The following POLE variants were observed in gnomAD, a reference collection of about 807,000 sequenced individuals.
POLE encodes the protein DNA polymerase epsilon, catalytic subunit.
In POLE, 188 loss-of-function variants were observed where a neutral mutation model predicts 279.2. That is an observed-to-expected ratio of 0.67 (90% CI 0.60 to 0.76). The LOEUF is 0.76. POLE is among the 30% of genes least tolerant of loss of function. The probability of loss-of-function intolerance (pLI) is 0.00; values close to 1 mark genes in which losing one functional copy is unlikely to be tolerated. For synonymous variants in POLE, 1,214 were observed against 1,172.5 expected, an observed-to-expected ratio of 1.04 and a Z score of -0.72; for missense variants, 2,703 against 3,016.7, an observed-to-expected ratio of 0.90 and a Z score of 2.44.
intron 20 of POLE, among the ~76,000 whole-genome samples, chr12:132,665,912 C>G (rs984799397): frequency 1.4e-4 from 21 of 152,216 alleles, no homozygotes; most frequent in African/African-American, 2.4e-4. Flanking sequence ...CCATTGTACT[C>G]TGAAGCACGA....
At chr12:132,676,269 C>T in intron 9 of POLE, 65 bp from the exon 10 acceptor site, 3 of 1,061,680 alleles carry the variant, frequency 2.8e-6, no homozygotes, top group Non-Finnish European at 4.3e-6. Context: ...GGCGTTCCCA[C>T]CCTGCCCACA....
chr12:132,663,116 A>T (rs938876333), intron 23 of POLE, among the ~76,000 whole-genome samples: 6 of 152,216 alleles, frequency 3.9e-5, no homozygotes, highest in African/African-American at 1.4e-4. Context: ...AGCTGTGGAT[A>T]CACTGTCTCG....
At chr12:132,642,471 G>T in intron 37 of POLE, 35 bp downstream of exon 37, 2 of 1,603,614 alleles carry the variant, frequency 1.2e-6, no homozygotes, top group South Asian at 2.2e-5. Flanking sequence ...CTCTGCCTGG[G>T]GACCACTGGC....
chr12:132,626,060 G>A (rs5745069), intron 46 of POLE, 57 bp downstream of exon 46: 57 of 1,499,186 alleles, frequency 3.8e-5, no homozygotes, highest in Admixed American at 2.7e-4. Context: ...TCAAGACACC[G>A]CAGTGCCCTC....
intron 32 of POLE, among the ~76,000 whole-genome samples, chr12:132,648,035 C>T (rs987794598): frequency 5.3e-5 from 8 of 152,176 alleles, no homozygotes; most frequent in South Asian, 2.1e-4. Context: ...TCACTTCTTA[C>T]GTGATTCACA....
At chr12:132,625,050 T>TGTGAAGAAGCAGCAG in intron 47 of POLE, 56 bp from the exon 48 acceptor site, 1 of 1,326,356 alleles carries the variant, frequency 7.5e-7, no homozygotes, top group Non-Finnish European at 1.1e-6. Context: ...CAGACCTGCC[T>TGTGAAGAAGCAGCAG]GCTGCTTCTT....
intron 45 of POLE, among the ~76,000 whole-genome samples, chr12:132,631,059 T>G (rs150767180): frequency 7.9e-5 from 12 of 152,334 alleles, no homozygotes; most frequent in Non-Finnish European, 1.5e-4. Context: ...AACGCAAATG[T>G]CCTTCCACCA....
chr12:132,674,864 C>T, intron 12 of POLE, among the ~76,000 whole-genome samples: 1 of 147,544 alleles, frequency 6.8e-6, no homozygotes, highest in East Asian at 2.0e-4. Context: ...CCTTCCCTTC[C>T]TTCCCTTCCC....
intron 47 of POLE, chr12:132,625,268 G>C (rs2041809721): frequency 2.7e-6 from 2 of 730,144 alleles, no homozygotes; most frequent in Non-Finnish European, 5.0e-6. Context: ...CATCCTGCAG[G>C]CCTGAACGCC....
At position 132,649,382 on chromosome 12, in the gene POLE, C is replaced by T; in HGVS notation, c.3929G>A (p.Gly1310Asp). 6.2e-7 allele frequency: 1 copy of T among 1,613,466 alleles called. No homozygotes were observed. Among genetic ancestry groups the T allele is most frequent in the Non-Finnish European group, 8.5e-7 (1 of 1,180,034 alleles). ...GVLRPGAIRD[G>D]PATGLGSFLR... is the part of the protein sequence containing the mutation. ...GAAGCTCCCCAGCCCCGTGGCAGGA[C>T]CATCCCGGATGGCCCCGGGCCTGAG... Residue 1310 changes from glycine (G) to aspartate (D), a missense_variant, in exon 31 of 49, where the codon GGT becomes GAT. Around this residue, in one of 5 missense-constraint regions of POLE, gnomAD observed 1,551 missense variants for 1,686.1 expected, o/e 0.92. Transcript: ENST00000320574.
chr12:132,671,564 G>T (rs2042928191), intron 16 of POLE, among the ~76,000 whole-genome samples: 1 of 151,292 alleles, frequency 6.6e-6, no homozygotes, highest in Non-Finnish European at 1.5e-5. Flanking sequence ...AGCTACTGGG[G>T]AGCCTGAGGC....
At chr12:132,645,801 C>T (rs61952105) in intron 32 of POLE, among the ~76,000 whole-genome samples, 1 of 34,306 alleles carries the variant, frequency 2.9e-5, no homozygotes, top group Non-Finnish European at 4.9e-5. Context: ...CACACACACC[C>T]ACACACACAC....
At chr12:132,645,385 T>C (rs1390016769) in intron 32 of POLE, among the ~76,000 whole-genome samples, 1 of 142,776 alleles carries the variant, frequency 7.0e-6, no homozygotes, top group Non-Finnish European at 1.5e-5. Flanking sequence ...CCTAGCTTCG[T>C]GTGTGGGGGG....
intron 1 of POLE, 104 bp from the exon 2 acceptor site, chr12:132,681,383 G>A (rs990769147): frequency 1.5e-4 from 186 of 1,236,160 alleles, no homozygotes; most frequent in Admixed American, 2.4e-4. Context: ...TTGCTCTGTC[G>A]CCTAGGCTGG....
At chr12:132,685,879 T>G (rs940351909) in intron 1 of POLE, among the ~76,000 whole-genome samples, 6 of 127,016 alleles carry the variant, frequency 4.7e-5, no homozygotes, top group African/African-American at 7.9e-5. Context: ...GTTTTTTCTA[T>G]TTTTTTTTTT....
Position 132,675,766 on chromosome 12 carries a change from T to C in POLE, c.1075A>G (p.Met359Val). Residue 359 changes from methionine (M) to valine (V), a missense_variant, in exon 11 of 49, where the codon ATG (methionine) becomes GTG (valine). Coordinates refer to ENST00000320574, the MANE Select transcript of POLE (RefSeq NM_006231.4). The surrounding 1 kb of genome is among the most constrained non-coding windows in gnomAD (Gnocchi z 4.3). The part of the protein sequence containing the change: ...EHVQETKPTI[M>V]VTYNGDFFDW... ...AAAAAGTCCCCGTTGTAGGTGACCA[T>C]GATGGTGGGTTTGGTCTCCTGGACG... is the stretch of plus-strand genomic sequence containing the variant. The C allele has an allele frequency of 1.9e-6, 3 of 1,614,158 alleles. No individual in the cohort carries two copies. The highest frequency in any genetic ancestry group is 1.7e-6 in the Non-Finnish European group (2 of 1,179,994).
intron 32 of POLE, among the ~76,000 whole-genome samples, chr12:132,646,461 TAAGTG>T (rs1195386830): frequency 1.3e-5 from 2 of 151,930 alleles, no homozygotes; most frequent in African/African-American, 2.4e-5. Flanking sequence ...CTGTGATGGT[TAAGTG>T]AAGTAATGTA....
chr12:132,646,831 A>AAAAC (rs907197646), intron 32 of POLE, among the ~76,000 whole-genome samples: 2 of 152,066 alleles, frequency 1.3e-5, no homozygotes, highest in South Asian at 2.1e-4. Context: ...ACTCCATCTC[A>AAAAC]AAACAAACAA....
chr12:132,644,573 G>A (rs2042232460), intron 32 of POLE, among the ~76,000 whole-genome samples: 1 of 152,138 alleles, frequency 6.6e-6, no homozygotes, highest in African/African-American at 2.4e-5. Context: ...TCTCTCATGG[G>A]TTTAACCTGA....
Sources: allele counts gnomAD v4.1 joint callset (sites outside exome capture counted in the v4.1 genomes callset), GRCh38; gene constraint gnomAD v4.1.1; regional missense constraint gnomAD v4.1.1; non-coding constraint Gnocchi (gnomAD v3.1); transcripts MANE v1.5; gene names NCBI Gene and HGNC (gene_info 2026-07-23, HGNC 2026-07-21).